COG4: variants seen among roughly 807,000 people sequenced by gnomAD.
COG4 encodes component of oligomeric golgi complex 4, also known as conserved oligomeric Golgi complex subunit 4.
In COG4, 65 loss-of-function variants were observed where a neutral mutation model predicts 95.1. The observed-to-expected ratio is 0.68, with a 90% CI of 0.56 to 0.84. COG4 has a LOEUF of 0.84. Ranked by LOEUF, COG4 falls within the 40% of genes least tolerant of loss-of-function variation. COG4 has a pLI of 0.00. For missense variants in COG4, 1,045 were observed against 989.1 expected, an observed-to-expected ratio of 1.06 and a Z score of -0.76; for synonymous variants, 421 against 374.8, an observed-to-expected ratio of 1.12 and a Z score of -1.42.
Position 70,496,289 on chromosome 16 carries a change from C to A in COG4, c.1624G>T (p.Asp542Tyr), listed in dbSNP as rs777169655. 2.5e-6 allele frequency: 4 copies of A among 1,614,088 alleles called. No homozygotes were observed. The East Asian group carries it at 6.7e-5, about 27-fold the overall frequency. The change falls in exon 12 of 19, where the codon GAC becomes TAC. Residue 542 changes from aspartate to tyrosine, a missense_variant. Physicochemically the swap from Asp to Tyr is radical, Grantham distance 160 (BLOSUM62 -3). Coordinates refer to ENST00000323786, the MANE Select transcript of COG4 (RefSeq NM_015386.3). The part of the protein sequence containing the change: ...KFDTKGIEST[D>Y]EAKMSFLVTL... ...ACCAGGAAGGACATCTTCGCCTCGT[C>A]AGTACTCTCGATGCCTTTTGTGTCA...
intron 13 of COG4, 110 bp from the exon 14 acceptor site, chr16:70,484,079 G>C (rs563485551): frequency 3.0e-5 from 25 of 839,310 alleles, no homozygotes; most frequent in African/African-American, 1.8e-4. Context: ...TCAAGAGCCC[G>C]GATGGGTTTC....
At position 70,512,384 on chromosome 16, in the gene COG4, C is replaced by T. The variant is rs373443427; in HGVS notation, c.593G>A (p.Arg198His). The T allele has an allele frequency of 5.1e-5, 82 of 1,614,158 alleles. No individual in the cohort carries two copies. Among genetic ancestry groups the T allele is most frequent in the East Asian group, 3.1e-4 (14 of 44,886 alleles). Residue 198 changes from arginine (R) to histidine (H), a missense_variant, in exon 5 of 19, where the codon CGT becomes CAT. Transcript: ENST00000323786. Reference protein sequence around the residue: ...NLKLLQEAEQRLKAIVAEKFA... With the variant: ...NLKLLQEAEQHLKAIVAEKFA... ...CTTCTCTGCCACAATGGCTTTGAGA[C>T]GTTGCTCAGCTTCCTGCAGCAATTT...
chr16:70,520,823 C>G (rs554962729), intron 1 of COG4, among the ~76,000 whole-genome samples: 127 of 152,140 alleles, frequency 8.3e-4, no homozygotes, highest in African/African-American at 3.0e-3. Flanking sequence ...CATTTTTATG[C>G]TTCGGTTTTT....
Position 70,523,361 on chromosome 16 carries a change from T to C in COG4, c.171+12A>G, listed in dbSNP as rs2049995658. 1 of 1,613,950 alleles carries C rather than the reference T, an allele frequency of 6.2e-7. No homozygotes were observed. Among genetic ancestry groups the C allele is most frequent in the South Asian group, 1.1e-5 (1 of 91,080 alleles). ...AGATCCTCCATGAAAAAGAAGAGGC[T>C]CGACCCCGCACCTCCTCGCCGCAGA... is the stretch of plus-strand genomic sequence containing the variant. On this transcript the variant is annotated intron_variant, in intron 1 of 18. Transcript: ENST00000323786.
chr16:70,497,938 T>C lies in COG4; in HGVS notation c.1313A>G (p.Lys438Arg). ...EEYFMRETVN[K>R]AVALDTYEKG... ...CAAGAGATGCGTCCTATGTCCTACC[T>C]TATTGACAGTCTCCCTCATGAAGTA... The change falls in exon 10 of 19, where the codon AAG (lysine) becomes AGG (arginine). Residue 438 changes from lysine to arginine, a missense_variant and splice_region_variant. Transcript: ENST00000323786. 6.4e-7 allele frequency: 1 copy of C among 1,553,798 alleles called. No individual in the cohort carries two copies.
intron 3 of COG4, among the ~76,000 whole-genome samples, chr16:70,515,245 C>T (rs2049797881): frequency 6.6e-6 from 1 of 152,096 alleles, no homozygotes; most frequent in African/African-American, 2.4e-5. Flanking sequence ...TGGCCCTGAA[C>T]TCTTGAGCTC....
intron 1 of COG4, among the ~76,000 whole-genome samples, chr16:70,521,793 C>T (rs1171666054): frequency 6.6e-6 from 1 of 151,190 alleles, no homozygotes; most frequent in Non-Finnish European, 1.5e-5. Context: ...GCTCCTTCTC[C>T]CTGGTTCACG....
chr16:70,486,343 G>C (rs1036436101), intron 13 of COG4, among the ~76,000 whole-genome samples: 1 of 152,138 alleles, frequency 6.6e-6, no homozygotes, highest in Non-Finnish European at 1.5e-5. Context: ...GGCTCCAGAG[G>C]GGAAGCAGAG....
chr16:70,481,105 G>A lies in COG4; in HGVS notation c.2275C>T (p.Pro759Ser), dbSNP rs771106863. 6.2e-7 allele frequency: 1 copy of A among 1,613,548 alleles called. No homozygotes were observed. The highest frequency in any genetic ancestry group is 8.5e-7 in the Non-Finnish European group (1 of 1,180,020). Residue 759 changes from proline to serine, a missense_variant, in exon 19 of 19, where the codon CCA becomes TCA. By Grantham distance (74) the Pro-to-Ser change is moderately conservative. Coordinates refer to ENST00000323786, the MANE Select transcript of COG4 (RefSeq NM_015386.3). ...GCAGGGGTGAGGCGCCACGTCAATG[G>A]GCCGGAATTGGGTCCCCAGTAATCG... The part of the protein sequence containing the change: ...ILDYWGPNSG[P>S]LTWRLTPAEV...
At chr16:70,508,703 C>G in intron 7 of COG4, 1 of 652,236 alleles carries the variant, frequency 1.5e-6, no homozygotes, top group South Asian at 1.6e-5. Flanking sequence ...TAATGGTGTT[C>G]CAATAGACTA....
At chr16:70,495,329 G>A (rs899834296) in intron 12 of COG4, among the ~76,000 whole-genome samples, 2 of 151,392 alleles carry the variant, frequency 1.3e-5, no homozygotes, top group African/African-American at 2.4e-5. Context: ...CCTGTGAGGC[G>A]GAGGTTGCAG....
intron 4 of COG4, among the ~76,000 whole-genome samples, chr16:70,513,421 C>T (rs962079219): frequency 6.6e-6 from 1 of 152,188 alleles, no homozygotes; most frequent in Non-Finnish European, 1.5e-5. Flanking sequence ...ACAGTAGTCT[C>T]TTCTTATCTG....
rs1438411473 is a variant in COG4, at chr16:70,509,319, G to T, written c.914C>A (p.Thr305Asn). The T allele has an allele frequency of 6.2e-7, 1 of 1,614,156 alleles. No individual in the cohort carries two copies. Among genetic ancestry groups the T allele is most frequent in the South Asian group, 1.1e-5 (1 of 91,082 alleles). ...ETYYGPGRLY[T>N]LIKYLQVECD... ...TTCCACCTGCAGATATTTGATCAGG[G>T]TATAGAGTCTCCCTGGCCCATAATA... is the stretch of plus-strand genomic sequence containing the variant. The change falls in exon 7 of 19, where the codon ACC (threonine) becomes AAC (asparagine). Residue 305 changes from threonine to asparagine, a missense_variant. Thr to Asn is a moderately conservative substitution (Grantham distance 65). Coordinates refer to ENST00000323786, the MANE Select transcript of COG4 (RefSeq NM_015386.3).
intron 8 of COG4, among the ~76,000 whole-genome samples, chr16:70,507,801 G>A (rs2049609332): frequency 6.6e-6 from 1 of 151,068 alleles, no homozygotes; most frequent in East Asian, 2.0e-4. Context: ...GGCAGGGGCT[G>A]TAGTGAGCCA....
chr16:70,493,291 C>T (rs1476721122), intron 12 of COG4, among the ~76,000 whole-genome samples: 1 of 151,938 alleles, frequency 6.6e-6, no homozygotes, highest in Non-Finnish European at 1.5e-5. Flanking sequence ...CTCTATACAG[C>T]ACTGTCTACC....
At position 70,505,908 on chromosome 16, in the gene COG4, G is replaced by C. The variant is rs1045133947; in HGVS notation, c.1061+2498C>G. On this transcript the variant is annotated intron_variant, in intron 8 of 18. Coordinates refer to ENST00000323786, the MANE Select transcript of COG4 (RefSeq NM_015386.3). ...GCCTGTAATTCCAGTGCTTTGGGAGGCTGAGGCAGGGGGAATCACTTGAGA... is the reference window on the plus strand; with the variant it reads ...GCCTGTAATTCCAGTGCTTTGGGAGCCTGAGGCAGGGGGAATCACTTGAGA... Among the ~76,000 whole-genome samples, 5 of 152,154 alleles carry C rather than the reference G, an allele frequency of 3.3e-5. No homozygotes were observed. In the East Asian group the frequency reaches 5.8e-4, roughly 18 times the overall value.
chr16:70,500,624 G>GT (rs1028150894), intron 9 of COG4, among the ~76,000 whole-genome samples: 2 of 152,072 alleles, frequency 1.3e-5, no homozygotes, highest in Non-Finnish European at 2.9e-5. Flanking sequence ...GTCTCCCAAA[G>GT]TGCTGGGATT....
In COG4 at chr16:70,482,806, G is replaced by A; in HGVS notation, c.1843C>T (p.Leu615Phe). Residue 615 changes from leucine to phenylalanine, a missense_variant, in exon 15 of 19, where the codon CTC (leucine) becomes TTC (phenylalanine). Physicochemically the swap from Leu to Phe is conservative, Grantham distance 22 (BLOSUM62 0). Coordinates refer to ENST00000323786, the MANE Select transcript of COG4 (RefSeq NM_015386.3). ...TGTGGCTTGATGGCTGTGCTGTTGA[G>A]CTCCGTCAGCCCTTCCTGCACAAGG... ...RDLLQEGLTE[L>F]NSTAIKPQVQ... 1.9e-6 allele frequency: 3 copies of A among 1,613,636 alleles called. No homozygotes were observed. Among genetic ancestry groups the A allele is most frequent in the Non-Finnish European group, 2.5e-6 (3 of 1,179,750 alleles).
intron 13 of COG4, among the ~76,000 whole-genome samples, chr16:70,486,915 A>T (rs529429995): frequency 6.6e-6 from 1 of 151,696 alleles, no homozygotes; most frequent in Non-Finnish European, 1.5e-5. Context: ...GAATCGCTTG[A>T]ATCCGGGAGG....
Sources: allele counts gnomAD v4.1 joint callset (sites outside exome capture counted in the v4.1 genomes callset), GRCh38; gene constraint gnomAD v4.1.1; transcripts MANE v1.5; gene names NCBI Gene and HGNC (gene_info 2026-07-23, HGNC 2026-07-21).